The following TMEM132C variants were observed in gnomAD, a reference collection of about 807,000 sequenced individuals.
The protein encoded by TMEM132C is protein phosphatase 1, regulatory subunit 152.
A neutral mutation model predicts 61.4 loss-of-function variants in TMEM132C; 29 were observed. The observed-to-expected ratio is 0.47, with a 90% CI of 0.35 to 0.64. The LOEUF (loss-of-function observed/expected upper bound fraction) is 0.64, where lower values mean the gene tolerates loss of function less well. Ranked by LOEUF, TMEM132C falls within the 30% of genes least tolerant of loss-of-function variation. The probability of loss-of-function intolerance (pLI) is 0.00; values close to 1 mark genes in which losing one functional copy is unlikely to be tolerated. For missense variants in TMEM132C, 1,408 were observed against 1,476.9 expected, an observed-to-expected ratio of 0.95 and a Z score of 0.76; for synonymous variants, 656 against 633.1, an observed-to-expected ratio of 1.04 and a Z score of -0.54.
In TMEM132C at chr12:128,326,139, C is replaced by A. The variant is rs1411248870; in HGVS notation, c.85+58652C>A. On this transcript the variant is annotated intron_variant, in intron 1 of 8. Coordinates refer to ENST00000435159, the MANE Select transcript of TMEM132C (RefSeq NM_001136103.3). The surrounding 1 kb of genome is among the most constrained non-coding windows in gnomAD (Gnocchi z 5.6). The stretch of plus-strand genomic sequence containing the variant: ...ATCACTTCTGTCAGGTGAATAAATA[C>A]CATTTGTCACATTTTATTGTTTTTA... 6.6e-6 allele frequency among the ~76,000 whole-genome samples: 1 copy of A among 152,032 alleles called. No individual in the cohort carries two copies. The highest frequency in any genetic ancestry group is 1.5e-5 in the Non-Finnish European group (1 of 68,014).
chr12:128,384,207 TAG>T (rs1195695737), intron 1 of TMEM132C, among the ~76,000 whole-genome samples: 2 of 152,070 alleles, frequency 1.3e-5, no homozygotes, highest in African/African-American at 4.8e-5. Flanking sequence ...GGAGACAATT[TAG>T]AGAGTAAAGT....
chr12:128,506,175 C>T (rs928586665), intron 2 of TMEM132C, among the ~76,000 whole-genome samples: 2 of 152,176 alleles, frequency 1.3e-5, no homozygotes, highest in Admixed American at 6.5e-5. Context: ...CTAGCAGACA[C>T]GTCTCTAGAC....
chr12:128,287,005 C>T (rs578169354), intron 1 of TMEM132C, among the ~76,000 whole-genome samples: 2 of 152,192 alleles, frequency 1.3e-5, no homozygotes, highest in Admixed American at 6.5e-5. Context: ...AGAAGGGCAG[C>T]GGTTTTGCCA....
intron 5 of TMEM132C, among the ~76,000 whole-genome samples, chr12:128,687,260 G>C (rs954004210): frequency 6.6e-6 from 1 of 150,428 alleles, no homozygotes; most frequent in Non-Finnish European, 1.5e-5. Context: ...GTTGACATTT[G>C]AGCAAGGCAG....
At chr12:128,366,195 G>T (rs917372553) in intron 1 of TMEM132C, among the ~76,000 whole-genome samples, 1 of 152,152 alleles carries the variant, frequency 6.6e-6, no homozygotes, top group Non-Finnish European at 1.5e-5. Flanking sequence ...TGTCGCCCGC[G>T]GCTCTCCTCC....
chr12:128,305,896 T>C (rs969169176), intron 1 of TMEM132C, among the ~76,000 whole-genome samples: 3 of 152,164 alleles, frequency 2.0e-5, no homozygotes, highest in Non-Finnish European at 4.4e-5. Context: ...GGTAGCCTGG[T>C]GATATTTACA....
rs1870752562 is a variant in TMEM132C, at chr12:128,278,098, GT to G, written c.85+10614del. ...TGGGCTGAGTTGCTAAAGCCTGCCA[GT>G]TTCTCATGCCGCAGCTGTATACGGT... On this transcript the variant is annotated intron_variant, in intron 1 of 8. Coordinates refer to ENST00000435159, the MANE Select transcript of TMEM132C (RefSeq NM_001136103.3). The surrounding 1 kb of genome is among the most constrained non-coding windows in gnomAD (Gnocchi z 4.2). Among the ~76,000 whole-genome samples the G allele has an allele frequency of 6.6e-6, 1 of 152,080 alleles. No homozygotes were observed. Among genetic ancestry groups the G allele is most frequent in the Non-Finnish European group, 1.5e-5 (1 of 68,014 alleles).
At chr12:128,396,504 T>C (rs1207654276) in intron 1 of TMEM132C, among the ~76,000 whole-genome samples, 1 of 152,068 alleles carries the variant, frequency 6.6e-6, no homozygotes, top group East Asian at 1.9e-4. Flanking sequence ...CAAACCACCA[T>C]GGCACATGTA....
chr12:128,504,560 T>C (rs1872293248), intron 2 of TMEM132C, among the ~76,000 whole-genome samples: 1 of 152,126 alleles, frequency 6.6e-6, no homozygotes, highest in Non-Finnish European at 1.5e-5. Flanking sequence ...CCGGCAGGGT[T>C]CTTTTCTCCT....
intron 2 of TMEM132C, among the ~76,000 whole-genome samples, chr12:128,480,904 T>C (rs1022395127): frequency 1.3e-5 from 2 of 152,198 alleles, no homozygotes; most frequent in African/African-American, 2.4e-5. Flanking sequence ...GGCTTGTGAA[T>C]ACATTTTCCC....
chr12:128,425,715 G>T (rs544975511), intron 2 of TMEM132C, among the ~76,000 whole-genome samples: 3 of 152,162 alleles, frequency 2.0e-5, no homozygotes, highest in African/African-American at 7.2e-5. Context: ...AGCTGTCCTC[G>T]ATGGTCCTTG....
chr12:128,477,401 G>A (rs1871184875), intron 2 of TMEM132C, among the ~76,000 whole-genome samples: 1 of 152,172 alleles, frequency 6.6e-6, no homozygotes, highest in Non-Finnish European at 1.5e-5. Context: ...CATTTCCATT[G>A]TGTTCTATTA....
intron 2 of TMEM132C, among the ~76,000 whole-genome samples, chr12:128,473,230 G>T (rs796785835): frequency 7.5e-4 from 1 of 1,326 alleles, no homozygotes; most frequent in African/African-American, 2.2e-3. Flanking sequence ...CTCCATCTTT[G>T]TCCTTACTCC....
intron 1 of TMEM132C, among the ~76,000 whole-genome samples, chr12:128,276,202 G>T (rs989656095): frequency 6.6e-6 from 1 of 152,160 alleles, no homozygotes; most frequent in Admixed American, 6.5e-5. Flanking sequence ...GTAAGACTTG[G>T]CATATAGTAA....
intron 3 of TMEM132C, among the ~76,000 whole-genome samples, chr12:128,585,487 A>G (rs1413526541): frequency 6.6e-6 from 1 of 152,232 alleles, no homozygotes; most frequent in Non-Finnish European, 1.5e-5. Flanking sequence ...CTATGACCCA[A>G]CTGTTCTTGC....
At chr12:128,550,732 T>C (rs964468585) in intron 3 of TMEM132C, among the ~76,000 whole-genome samples, 4 of 152,218 alleles carry the variant, frequency 2.6e-5, no homozygotes, top group Non-Finnish European at 5.9e-5. Flanking sequence ...GAGGGCTTTG[T>C]GAGATGAATT....
At chr12:128,456,448 C>T (rs539487213) in intron 2 of TMEM132C, among the ~76,000 whole-genome samples, 1 of 105,768 alleles carries the variant, frequency 9.5e-6, no homozygotes, top group Non-Finnish European at 1.7e-5. Context: ...GCTCTGTTAC[C>T]TAGGCTGGAG....
intron 2 of TMEM132C, among the ~76,000 whole-genome samples, chr12:128,454,637 G>C (rs542743885): frequency 6.6e-6 from 1 of 152,214 alleles, no homozygotes; most frequent in African/African-American, 2.4e-5. Context: ...CCCTGGATAG[G>C]ACCTCCAGGA....
At position 128,451,768 on chromosome 12, in the gene TMEM132C, A is replaced by G. The variant is rs142535281; in HGVS notation, c.974+36148A>G. ...TGAGGCTTTGTGCCACAAGTCATTA[A>G]TTTATTCACTCATTCCTTTAGTCAA... On this transcript the variant is annotated intron_variant, in intron 2 of 8. Coordinates refer to ENST00000435159, the MANE Select transcript of TMEM132C (RefSeq NM_001136103.3). Among the ~76,000 whole-genome samples, 904 of 152,246 alleles carry G rather than the reference A, an allele frequency of 5.9e-3. 7 individuals carry two copies. The highest frequency in any genetic ancestry group is 0.02 in the African/African-American group (837 of 41,560).
Sources: gnomAD v4.1 joint callset for allele counts (sites outside exome capture counted in the v4.1 genomes callset) on GRCh38, gnomAD v4.1.1 for gene constraint, Gnocchi (gnomAD v3.1) non-coding constraint, MANE v1.5 for transcripts, NCBI Gene and HGNC (gene_info 2026-07-23, HGNC 2026-07-21) for gene names.